The following COL12A1 variants were observed in gnomAD, a reference collection of about 807,000 sequenced individuals.
COL12A1 encodes collagen alpha-1(XII) chain.
COL12A1 carries 114 observed loss-of-function variants against 349.7 expected under a neutral mutation model. That is an observed-to-expected ratio of 0.33 (90% CI 0.28 to 0.38). COL12A1 has a LOEUF of 0.38. Ranked by LOEUF, COL12A1 falls within the 10% of genes least tolerant of loss-of-function variation. COL12A1 has a pLI of 1.00. For missense variants in COL12A1, 3,284 were observed against 3,756.9 expected, an observed-to-expected ratio of 0.87 and a Z score of 3.29; for synonymous variants, 1,369 against 1,329.0, an observed-to-expected ratio of 1.03 and a Z score of -0.66.
intron 40 of COL12A1, 113 bp from the exon 41 acceptor site, chr6:75,124,484 G>T: frequency 2.9e-6 from 2 of 700,004 alleles, no homozygotes; most frequent in Non-Finnish European, 4.6e-6. Flanking sequence ...GTTCAAAATT[G>T]TATTATGTTT....
intron 49 of COL12A1, among the ~76,000 whole-genome samples, chr6:75,115,412 T>C (rs1424663355): frequency 2.6e-5 from 4 of 152,070 alleles, no homozygotes; most frequent in African/African-American, 9.7e-5. Flanking sequence ...TCGGAAACAC[T>C]AAAAAGAATG....
chr6:75,106,540 A>G (rs1205482644), intron 52 of COL12A1, 44 bp from the exon 53 acceptor site: 1 of 1,560,202 alleles, frequency 6.4e-7, no homozygotes, highest in Admixed American at 1.7e-5. Context: ...TGCATGAAAA[A>G]CATTTTATAT....
chr6:75,133,551 A>ATT, intron 33 of COL12A1, 129 bp from the exon 34 acceptor site: 4 of 934,806 alleles, frequency 4.3e-6, no homozygotes, highest in Non-Finnish European at 6.3e-6. Flanking sequence ...ATGTCATAAT[A>ATT]AGCCCCCACA....
intron 14 of COL12A1, among the ~76,000 whole-genome samples, chr6:75,161,652 C>T (rs1768032748): frequency 1.3e-5 from 2 of 152,074 alleles, no homozygotes; most frequent in African/African-American, 4.8e-5. Flanking sequence ...GAAGTTCTGG[C>T]CAAGGCAATC....
Position 75,091,402 on chromosome 6 carries a change from AT to A in COL12A1, c.8686-14del. ...AAGCAATGTCTCCCTTGTTGAATTA[AT>A]GAGAATGATTAGCATATTAGTTCTA... On this transcript the variant is annotated splice_polypyrimidine_tract_variant and intron_variant, in intron 61 of 65. Coordinates refer to ENST00000322507, the MANE Select transcript of COL12A1 (RefSeq NM_004370.6). 6.2e-7 allele frequency: 1 copy of A among 1,613,612 alleles called. No individual in the cohort carries two copies.
In COL12A1 at chr6:75,197,951, A is replaced by G. The variant is rs143656173; in HGVS notation, c.74-3004T>C. Among the ~76,000 whole-genome samples the G allele has an allele frequency of 2.1e-4, 32 of 152,300 alleles. No homozygotes were observed. The East Asian group carries it at 3.5e-3, about 17-fold the overall frequency. ...AGCTGAAACTTGCTGAGTGTTCTCTATAACAGGCAGAGAGCTGGTTACTGT... is the reference window on the plus strand; with the variant it reads ...AGCTGAAACTTGCTGAGTGTTCTCTGTAACAGGCAGAGAGCTGGTTACTGT... On this transcript the variant is annotated intron_variant, in intron 2 of 65. Coordinates refer to ENST00000322507, the MANE Select transcript of COL12A1 (RefSeq NM_004370.6).
At chr6:75,123,432 A>T in intron 42 of COL12A1, 28 bp from the exon 43 acceptor site, 1 of 1,503,918 alleles carries the variant, frequency 6.6e-7, no homozygotes, top group Non-Finnish European at 9.0e-7. Flanking sequence ...TAATTATAAA[A>T]ACACACCATG....
At chr6:75,097,859 C>T (rs1480753442) in intron 58 of COL12A1, among the ~76,000 whole-genome samples, 1 of 152,166 alleles carries the variant, frequency 6.6e-6, no homozygotes, top group East Asian at 1.9e-4. Context: ...GCGTTCTCTG[C>T]ACCTTCATTC....
At chr6:75,194,716 A>G in intron 3 of COL12A1, 115 bp downstream of exon 3, 2 of 615,090 alleles carry the variant, frequency 3.3e-6, no homozygotes, top group Non-Finnish European at 5.5e-6. Context: ...GACATGGATC[A>G]AATCCCTCAG....
chr6:75,159,866 G>T (rs1767948042), intron 14 of COL12A1, among the ~76,000 whole-genome samples: 1 of 151,800 alleles, frequency 6.6e-6, no homozygotes, highest in African/African-American at 2.4e-5. Context: ...AAAATGGGAT[G>T]CCAAGCTTTA....
chr6:75,197,469 T>C (rs1166978979), intron 2 of COL12A1, among the ~76,000 whole-genome samples: 4 of 152,024 alleles, frequency 2.6e-5, no homozygotes, highest in African/African-American at 9.7e-5. Flanking sequence ...TGCTCCACCA[T>C]GCCTGGCTAA....
At chr6:75,112,511 GA>G (rs1029977110) in intron 51 of COL12A1, among the ~76,000 whole-genome samples, 10 of 149,388 alleles carry the variant, frequency 6.7e-5, no homozygotes, top group Non-Finnish European at 9.0e-5. Flanking sequence ...TTAGAAACCT[GA>G]AAAAAAAAGT....
In COL12A1 at chr6:75,103,720, T is replaced by C. The variant is rs774010056; in HGVS notation, c.8319+37A>G. ...ATTTGAACAACCAGATTTCAACATA[T>C]AGATAAGAATTTAAATGCACTCTAA... On this transcript the variant is annotated intron_variant, in intron 55 of 65. Transcript: ENST00000322507. 2.5e-6 allele frequency: 4 copies of C among 1,581,478 alleles called. No homozygotes were observed. In the East Asian group the frequency reaches 6.7e-5, roughly 27 times the overall value.
chr6:75,138,909 A>C lies in COL12A1; in HGVS notation c.5010T>G (p.Gly1670=). The change falls in exon 28 of 66, where the codon GGT becomes GGG. Residue 1670 remains glycine, a synonymous_variant. Transcript: ENST00000322507. ...CTCCATGATCCCAAGTCCCTCTGAA[A>C]CCCTCTGATGTTACTTCAGTAATCT... The part of the protein sequence containing the change: ...NLKITEVTSE[G]FRGTWDHGAS... 6.2e-7 allele frequency: 1 copy of C among 1,614,032 alleles called. No individual in the cohort carries two copies. Among genetic ancestry groups the C allele is most frequent in the Non-Finnish European group, 8.5e-7 (1 of 1,179,952 alleles).
chr6:75,132,520 T>C (rs1310508028), intron 34 of COL12A1, among the ~76,000 whole-genome samples: 1 of 152,232 alleles, frequency 6.6e-6, no homozygotes, highest in Non-Finnish European at 1.5e-5. Context: ...CATTACTTCT[T>C]CATTTAACAA....
chr6:75,188,560 T>C (rs1041984887), intron 7 of COL12A1, 25 bp from the exon 8 acceptor site: 6 of 1,604,246 alleles, frequency 3.7e-6, no homozygotes, highest in South Asian at 1.1e-5. Context: ...GATAAGGACA[T>C]ATTGAAATGG....
intron 37 of COL12A1, among the ~76,000 whole-genome samples, chr6:75,129,362 G>A (rs1021522608): frequency 6.6e-6 from 1 of 152,208 alleles, no homozygotes; most frequent in Non-Finnish European, 1.5e-5. Flanking sequence ...GACGATCTAT[G>A]TGGTAAAAAG....
At position 75,189,691 on chromosome 6, in the gene COL12A1, C is replaced by T; in HGVS notation, c.519G>A (p.Gly173=). Residue 173 remains glycine (G), a synonymous_variant, in exon 6 of 66, where the codon GGG becomes GGA. Transcript: ENST00000322507. ...IAALVSAFDI[G]EEKTRVGVVQ... is the part of the protein sequence containing the mutation. ...CAACTCCAACTCTTGTCTTCTCTTC[C>T]CCAATGTCAAAAGCAGACACAAGAG... 6.2e-7 allele frequency: 1 copy of T among 1,613,326 alleles called. No individual in the cohort carries two copies. The highest frequency in any genetic ancestry group is 8.5e-7 in the Non-Finnish European group (1 of 1,179,476).
In COL12A1 at chr6:75,205,989, G is replaced by A. The variant is rs1229990983; in HGVS notation, c.-248C>T. 6.5e-6 allele frequency: 1 copy of A among 153,010 alleles called. No individual in the cohort carries two copies. Among genetic ancestry groups the A allele is most frequent in the East Asian group, 1.9e-4 (1 of 5,220 alleles). 9.5% of individuals were successfully genotyped at this position (153,010 alleles called of 1,614,324 possible). A position where few individuals can be genotyped will look rare whatever the true frequency, so the allele number is the denominator to read the frequency against. On this transcript the variant is annotated 5_prime_UTR_variant, in exon 1 of 66. Coordinates refer to ENST00000322507, the MANE Select transcript of COL12A1 (RefSeq NM_004370.6). ...AGGCGGGCGCGGCAGGAAGACTGGA[G>A]ATGGCCTGAGCCTGCAGCTGCCGGC...
Sources: gnomAD v4.1 joint callset for allele counts (sites outside exome capture counted in the v4.1 genomes callset) on GRCh38, gnomAD v4.1.1 for gene constraint, MANE v1.5 for transcripts, NCBI Gene and HGNC (gene_info 2026-07-23, HGNC 2026-07-21) for gene names.